TRIP12: variants seen among roughly 807,000 people sequenced by gnomAD.
TRIP12 encodes the protein E3 ubiquitin-protein ligase TRIP12.
In TRIP12, 25 loss-of-function variants were observed where a neutral mutation model predicts 244.2. The ratio of observed to expected loss-of-function variants is 0.10; its 90% CI spans 0.07 to 0.14. The LOEUF (loss-of-function observed/expected upper bound fraction) is 0.14, where lower values mean the gene tolerates loss of function less well. TRIP12 is among the 10% of genes least tolerant of loss of function. TRIP12 has a pLI of 1.00. For synonymous variants in TRIP12, 905 were observed against 873.1 expected (o/e 1.04, Z -0.64); for missense variants, 1,677 against 2,486.4 (o/e 0.67, Z 6.92).
At chr2:229,847,404 C>T (rs115391067) in intron 4 of TRIP12, among the ~76,000 whole-genome samples, 1,697 of 152,234 alleles carry the variant, frequency 0.011, 15 homozygotes, top group Non-Finnish European at 0.013. Flanking sequence ...TTTGCATATG[C>T]CTAGCGAAGT....
rs1210807527 is a variant in TRIP12 at position 229,778,226 on chromosome 2, AT to A, written c.5364+206del. Among the ~76,000 whole-genome samples the A allele has an allele frequency of 3.3e-5, 5 of 152,150 alleles. No individual in the cohort carries two copies. The highest frequency in any genetic ancestry group is 9.7e-5 in the African/African-American group (4 of 41,438). ...GCATGCCCTGGGAGCTGACAGGAAA[AT>A]TTAGAATCTTGGACAGTAGGACAGT... On this transcript the variant is annotated intron_variant, in intron 36 of 41. Transcript: ENST00000675903. The surrounding 1 kb of genome is among the most constrained non-coding windows in gnomAD (Gnocchi z 4.1).
chr2:229,894,462 A>C (rs2068217980), intron 1 of TRIP12: 1 of 152,260 alleles, frequency 6.6e-6, no homozygotes, highest in South Asian at 2.1e-4. Flanking sequence ...ATCAACTCTC[A>C]ACTCATGAAA....
At position 229,791,168 on chromosome 2, in the gene TRIP12, T is replaced by C. The variant is rs1178647201; in HGVS notation, c.4499A>G (p.Lys1500Arg). Reference sequence around the variant, plus strand: ...CTTTTTTGCATTTCTAGGGGAAGTTTTCGTTGGAGCTGTTTGGGCTCTTCC... The same window carrying C: ...CTTTTTTGCATTTCTAGGGGAAGTTCTCGTTGGAGCTGTTTGGGCTCTTCC... ...KRGRAQTAPT[K>R]TSPRNAKKHD... The change falls in exon 30 of 42, where the codon AAA (lysine) becomes AGA (arginine). Residue 1500 changes from lysine (K) to arginine (R), a missense_variant. By Grantham distance (26) the Lys-to-Arg change is conservative. This residue lies in a region of TRIP12 where 265 missense variants were observed against 370.8 expected (regional missense o/e 0.71). Transcript: ENST00000675903. The C allele has an allele frequency of 6.2e-7, 1 of 1,614,140 alleles. No homozygotes were observed. The highest frequency in any genetic ancestry group is 1.7e-5 in the Admixed American group (1 of 60,030).
intron 23 of TRIP12, among the ~76,000 whole-genome samples, chr2:229,798,594 A>AG (rs533518097): frequency 1.0e-3 from 159 of 152,304 alleles, no homozygotes; most frequent in Non-Finnish European, 2.1e-3. Context: ...AACAAAACTG[A>AG]GGAAGAGGTT....
intron 2 of TRIP12, among the ~76,000 whole-genome samples, chr2:229,870,784 C>A (rs1247738849): frequency 6.6e-6 from 1 of 152,092 alleles, no homozygotes; most frequent in Non-Finnish European, 1.5e-5. Flanking sequence ...CGGTATACTT[C>A]TTTCAAAAAT....
At chr2:229,822,991 C>CA (rs1284925567) in intron 8 of TRIP12, among the ~76,000 whole-genome samples, 2 of 152,014 alleles carry the variant, frequency 1.3e-5, no homozygotes, top group African/African-American at 4.8e-5. Context: ...AAAAACTGAT[C>CA]AATAGGAAGT....
chr2:229,874,242 C>G (rs977905820), intron 2 of TRIP12, among the ~76,000 whole-genome samples: 1 of 152,002 alleles, frequency 6.6e-6, no homozygotes, highest in African/African-American at 2.4e-5. Flanking sequence ...AACTTTAAAC[C>G]AAGGAATTCT....
chr2:229,889,116 A>G (rs1420916863), intron 1 of TRIP12, among the ~76,000 whole-genome samples: 1 of 152,218 alleles, frequency 6.6e-6, no homozygotes, highest in Non-Finnish European at 1.5e-5. Context: ...AGGGGGAAAA[A>G]AATTAAGAGC....
intron 33 of TRIP12, 147 bp from the exon 34 acceptor site, chr2:229,786,002 AGAGGTAGCT>A: frequency 1.6e-6 from 1 of 608,006 alleles, no homozygotes; most frequent in Non-Finnish European, 2.6e-6. Context: ...GAAAAGGTTA[AGAGGTAGCT>A]GTATTGCTAC....
intron 1 of TRIP12, among the ~76,000 whole-genome samples, chr2:229,881,287 A>G (rs953336303): frequency 1.3e-5 from 2 of 152,268 alleles, no homozygotes; most frequent in African/African-American, 4.8e-5. Flanking sequence ...TTTAACTGGT[A>G]AAACAAGCCA....
rs751342195 is a variant in TRIP12, at chr2:229,804,241, A to C, written c.2651-14T>G. The C allele has an allele frequency of 1.3e-4, 212 of 1,591,750 alleles. 3 individuals carry two copies. The South Asian group carries it at 2.4e-3, about 18-fold the overall frequency. The stretch of plus-strand genomic sequence containing the variant: ...CTGAATATCCACCTATTACATTAAA[A>C]AAAAATATATGTGCAATCCTGAAGT... On this transcript the variant is annotated splice_polypyrimidine_tract_variant and intron_variant, in intron 18 of 41. Transcript: ENST00000675903.
At chr2:229,889,808 A>T (rs1270316309) in intron 1 of TRIP12, among the ~76,000 whole-genome samples, 1 of 152,160 alleles carries the variant, frequency 6.6e-6, no homozygotes, top group Admixed American at 6.5e-5. Context: ...CTGCTGAGGG[A>T]GCAGAGAAAG....
intron 1 of TRIP12, among the ~76,000 whole-genome samples, chr2:229,913,313 C>A (rs1215005080): frequency 6.6e-6 from 1 of 152,122 alleles, no homozygotes; most frequent in African/African-American, 2.4e-5. Context: ...TACTATACTC[C>A]TATATACAGT....
chr2:229,784,671 T>C (rs1438127741), intron 34 of TRIP12, among the ~76,000 whole-genome samples: 1 of 152,002 alleles, frequency 6.6e-6, no homozygotes. Flanking sequence ...GAATGACCAA[T>C]AAGCAATGAA....
upstream of TRIP12, chr2:229,922,447 G>C (rs2076745459): frequency 2.0e-6 from 3 of 1,475,082 alleles, no homozygotes; most frequent in Admixed American, 5.1e-5. Context: ...CTAGGGTTTT[G>C]GCCCCTTGAC....
At chr2:229,877,049 T>C (rs927760045) in intron 2 of TRIP12, among the ~76,000 whole-genome samples, 3 of 151,680 alleles carry the variant, frequency 2.0e-5, no homozygotes, top group Non-Finnish European at 4.4e-5. Flanking sequence ...GTAATTGTGA[T>C]TTTTGCTATT....
At chr2:229,784,499 A>G (rs2039371034) in intron 34 of TRIP12, among the ~76,000 whole-genome samples, 1 of 142,520 alleles carries the variant, frequency 7.0e-6, no homozygotes, top group Non-Finnish European at 1.5e-5. Context: ...TTAGGATGCA[A>G]AAAGCACAAA....
chr2:229,903,013 T>TTTA (rs58793718), intron 1 of TRIP12, among the ~76,000 whole-genome samples: 1 of 123,048 alleles, frequency 8.1e-6, no homozygotes, highest in Non-Finnish European at 1.7e-5. Flanking sequence ...TCTTTTTCTT[T>TTTA]TTTTCTTTTT....
At position 229,778,813 on chromosome 2, in the gene TRIP12, A is replaced by C. The variant is rs1471807691; in HGVS notation, c.5209+63T>G. The C allele has an allele frequency of 4.8e-6, 7 of 1,468,470 alleles. No individual in the cohort carries two copies. The highest frequency in any genetic ancestry group is 4.7e-5 in the South Asian group (4 of 85,528). 91.0% of individuals were successfully genotyped at this position (1,468,470 alleles called of 1,614,324 possible). A position where few individuals can be genotyped will look rare whatever the true frequency, so the allele number is the denominator to read the frequency against. On this transcript the variant is annotated intron_variant, in intron 35 of 41. Transcript: ENST00000675903. The surrounding 1 kb of genome is among the most constrained non-coding windows in gnomAD (Gnocchi z 4.1). ...ATTAGAAATTAAATATGTCTAATAAACTGTCAGAGTCCATTACCTGATCTG... is the reference window on the plus strand; with the variant it reads ...ATTAGAAATTAAATATGTCTAATAACCTGTCAGAGTCCATTACCTGATCTG...
Sources: allele counts gnomAD v4.1 joint callset (sites outside exome capture counted in the v4.1 genomes callset), GRCh38; gene constraint gnomAD v4.1.1; regional missense constraint gnomAD v4.1.1; non-coding constraint Gnocchi (gnomAD v3.1); transcripts MANE v1.5; gene names NCBI Gene and HGNC (gene_info 2026-07-23, HGNC 2026-07-21).